UVRAG: variants seen among roughly 807,000 people sequenced by gnomAD.
UVRAG encodes UV radiation resistance associated.
In UVRAG, 19 loss-of-function variants were observed where a neutral mutation model predicts 78.0. The observed-to-expected ratio is 0.24, with a 90% CI of 0.17 to 0.36. The LOEUF is 0.36. Ranked by LOEUF, UVRAG falls within the 10% of genes least tolerant of loss-of-function variation. The pLI, the probability that UVRAG is intolerant of heterozygous loss-of-function variation, is 1.00. For missense variants in UVRAG, 740 were observed against 853.8 expected (o/e 0.87, Z 1.66); for synonymous variants, 323 against 324.6 (o/e 1.00, Z 0.05).
At chr11:75,941,762 C>T (rs948711294) in intron 6 of UVRAG, among the ~76,000 whole-genome samples, 6 of 152,068 alleles carry the variant, frequency 3.9e-5, no homozygotes, top group African/African-American at 1.4e-4. Context: ...TGAAAAACTT[C>T]CTCTTACAGT....
At chr11:76,009,352 TAAAG>T (rs903601504) in intron 11 of UVRAG, among the ~76,000 whole-genome samples, 12 of 152,156 alleles carry the variant, frequency 7.9e-5, no homozygotes, top group African/African-American at 2.2e-4. Context: ...TAACTAAAAA[TAAAG>T]AAAGAAATTA....
intron 6 of UVRAG, among the ~76,000 whole-genome samples, chr11:75,925,931 G>A (rs1948091006): frequency 6.6e-6 from 1 of 152,138 alleles, no homozygotes; most frequent in Non-Finnish European, 1.5e-5. Context: ...GAGTTTAGTG[G>A]TAAAGGCCTT....
At chr11:76,135,300 G>A (rs1005324751) in intron 14 of UVRAG, among the ~76,000 whole-genome samples, 6 of 152,168 alleles carry the variant, frequency 3.9e-5, no homozygotes, top group Non-Finnish European at 7.3e-5. Context: ...TGTCTCTAGA[G>A]CTGAAGAGAT....
rs146505029 is a variant in UVRAG at position 76,109,967 on chromosome 11, G to A, written c.1306-5957G>A. ...AATTATTTTAAAGATACTGACATGT[G>A]TGTGTTTATTCCTGCTTCTCTGGAG... On this transcript the variant is annotated intron_variant, in intron 13 of 14. Coordinates refer to ENST00000356136, the MANE Select transcript of UVRAG (RefSeq NM_003369.4). 1.4e-4 allele frequency among the ~76,000 whole-genome samples: 22 copies of A among 152,274 alleles called. No individual in the cohort carries two copies. In the East Asian group the frequency reaches 3.9e-3, roughly 27 times the overall value.
intron 1 of UVRAG, among the ~76,000 whole-genome samples, chr11:75,846,957 G>C (rs560849634): frequency 7.1e-4 from 108 of 152,214 alleles, no homozygotes; most frequent in African/African-American, 2.5e-3. Flanking sequence ...CTGAGTAGCT[G>C]TGATTACAGG....
intron 6 of UVRAG, among the ~76,000 whole-genome samples, chr11:75,915,557 A>G (rs1175074178): frequency 5.3e-5 from 8 of 152,212 alleles, no homozygotes; most frequent in Admixed American, 4.6e-4. Context: ...CAAGGTGTCA[A>G]TGTTATTCCT....
At chr11:75,948,133 G>A (rs919872493) in intron 6 of UVRAG, among the ~76,000 whole-genome samples, 1 of 152,102 alleles carries the variant, frequency 6.6e-6, no homozygotes, top group Admixed American at 6.6e-5. Flanking sequence ...ATTATTTGGT[G>A]CTAGTACATG....
intron 8 of UVRAG, among the ~76,000 whole-genome samples, chr11:76,003,588 A>G (rs1479058909): frequency 6.6e-6 from 1 of 152,142 alleles, no homozygotes; most frequent in East Asian, 1.9e-4. Context: ...ACTATATTTT[A>G]GTAGTCAAAA....
chr11:75,842,527 C>T (rs1352314322), intron 1 of UVRAG, among the ~76,000 whole-genome samples: 6 of 151,688 alleles, frequency 4.0e-5, no homozygotes, highest in Admixed American at 2.0e-4. Flanking sequence ...CTGCAACCTC[C>T]CCCTCCTGGG....
intron 12 of UVRAG, among the ~76,000 whole-genome samples, chr11:76,021,347 A>G (rs1844700274): frequency 6.6e-6 from 1 of 151,900 alleles, no homozygotes; most frequent in African/African-American, 2.4e-5. Context: ...AATCCTTTTC[A>G]TTTCTGTAAG....
chr11:75,852,624 A>G (rs75119968), intron 2 of UVRAG, among the ~76,000 whole-genome samples: 4,102 of 152,236 alleles, frequency 0.027, 167 homozygotes, highest in African/African-American at 0.089. Flanking sequence ...ATGTTGGATT[A>G]TGATGGAAAA....
chr11:75,871,533 C>T (rs1946651551), intron 3 of UVRAG, among the ~76,000 whole-genome samples: 1 of 151,606 alleles, frequency 6.6e-6, no homozygotes, highest in Admixed American at 6.6e-5. Context: ...ATCCGCCCAC[C>T]TTGGCCTCCC....
chr11:76,081,947 A>AC (rs1446314928), intron 13 of UVRAG, among the ~76,000 whole-genome samples: 1 of 152,058 alleles, frequency 6.6e-6, no homozygotes, highest in East Asian at 1.9e-4. Context: ...GCAAAAAAAA[A>AC]AAAAAAAATC....
At chr11:76,046,926 G>A (rs1034668534) in intron 12 of UVRAG, among the ~76,000 whole-genome samples, 1 of 872 alleles carries the variant, frequency 1.1e-3, no homozygotes, top group Non-Finnish European at 2.1e-3. Context: ...TATCAGGCTT[G>A]TAGAACATTT....
At chr11:75,959,757 C>T (rs1948874557) in intron 6 of UVRAG, among the ~76,000 whole-genome samples, 1 of 152,224 alleles carries the variant, frequency 6.6e-6, no homozygotes, top group Non-Finnish European at 1.5e-5. Context: ...GGCTTTTCAC[C>T]TGCCTTCCTC....
At chr11:76,134,611 G>T (rs1296030439) in intron 14 of UVRAG, among the ~76,000 whole-genome samples, 1 of 152,090 alleles carries the variant, frequency 6.6e-6, no homozygotes, top group Non-Finnish European at 1.5e-5. Context: ...GTGTTCCTGT[G>T]CAAGACATGA....
intron 6 of UVRAG, among the ~76,000 whole-genome samples, chr11:75,926,052 G>A (rs534784292): frequency 6.8e-6 from 1 of 146,426 alleles, no homozygotes; most frequent in Admixed American, 6.7e-5. Flanking sequence ...TTTTTTTTTT[G>A]ATGATACACC....
intron 6 of UVRAG, among the ~76,000 whole-genome samples, chr11:75,941,262 C>G (rs1948477734): frequency 6.6e-6 from 1 of 152,116 alleles, no homozygotes; most frequent in Non-Finnish European, 1.5e-5. Flanking sequence ...CCAACTGTTT[C>G]TGTTCAGATT....
chr11:76,043,097 C>T (rs1208423382), intron 12 of UVRAG, among the ~76,000 whole-genome samples: 2 of 152,170 alleles, frequency 1.3e-5, no homozygotes, highest in African/African-American at 2.4e-5. Flanking sequence ...ACAAAGAAGG[C>T]TCACTTGATC....
Sources: allele counts gnomAD v4.1 joint callset (sites outside exome capture counted in the v4.1 genomes callset), GRCh38; gene constraint gnomAD v4.1.1; transcripts MANE v1.5; gene names NCBI Gene and HGNC (gene_info 2026-07-23, HGNC 2026-07-21).